The following C12orf43 variants were observed in gnomAD, a reference collection of about 807,000 sequenced individuals.
C12orf43 encodes protein CUSTOS.
In C12orf43, 15 loss-of-function variants were observed where a neutral mutation model predicts 20.6. That is an observed-to-expected ratio of 0.73 (90% CI 0.49 to 1.12). The LOEUF (loss-of-function observed/expected upper bound fraction) is 1.12. C12orf43 is among the 50% of genes most tolerant of loss of function. The probability of loss-of-function intolerance (pLI) is 0.00; values close to 1 mark genes in which losing one functional copy is unlikely to be tolerated. For synonymous variants in C12orf43, 144 were observed against 130.8 expected (o/e 1.10, Z -0.69); for missense variants, 334 against 344.4 (o/e 0.97, Z 0.24).
chr12:121,016,358 G>T lies in C12orf43; in HGVS notation c.117C>A (p.Arg39=). Reference sequence around the variant, plus strand: ...CTCTTGGCTTCCCTGCCACGTGCGGGCGTTGCTCCAAGCCCCAAGCCGGCA... The same window carrying T: ...CTCTTGGCTTCCCTGCCACGTGCGGTCGTTGCTCCAAGCCCCAAGCCGGCA... ...AAMPAWGLEQ[R]PHVAGKPRAG... The change falls in exon 1 of 6, where the codon CGC becomes CGA. Residue 39 remains arginine, a synonymous_variant. Coordinates refer to ENST00000288757, the MANE Select transcript of C12orf43 (RefSeq NM_022895.3). 1 of 1,613,788 alleles carries T rather than the reference G, an allele frequency of 6.2e-7. No individual in the cohort carries two copies. Among genetic ancestry groups the T allele is most frequent in the South Asian group, 1.1e-5 (1 of 91,082 alleles).
chr12:121,001,668 C>T lies in C12orf43; in HGVS notation c.*2485G>A, dbSNP rs980203027. On this transcript the variant is annotated 3_prime_UTR_variant, in exon 6 of 6. Transcript: ENST00000288757. ...CTTGTTCTGTCACCAATGTACCCAC[C>T]GGGCCACTCCTTCCTGCCCCAACTC... The T allele has an allele frequency of 1.5e-5, 7 of 462,426 alleles. No individual in the cohort carries two copies. The highest frequency in any genetic ancestry group is 3.8e-5 in the South Asian group (2 of 52,732). The allele number at this position is 462,426 out of a possible 1,614,324, so 28.6% of individuals were successfully genotyped here.
Position 121,004,345 on chromosome 12 carries a change from C to T in C12orf43, c.597G>A (p.Lys199=), listed in dbSNP as rs1251745683. ...CGACAGCCGAGTCGACACTGGCCACCTTCTTGGCTTTCTTTTTCAACTTCC... is the reference window on the plus strand; with the variant it reads ...CGACAGCCGAGTCGACACTGGCCACTTTCTTGGCTTTCTTTTTCAACTTCC... ...KKRKLKKKAK[K]VASVDSAVAA... is the part of the protein sequence containing the mutation. Residue 199 remains lysine, a synonymous_variant, in exon 6 of 6, where the codon AAG becomes AAA. Transcript: ENST00000288757. The surrounding 1 kb of genome is among the most constrained non-coding windows in gnomAD (Gnocchi z 5.6). 3.1e-6 allele frequency: 5 copies of T among 1,614,226 alleles called. No individual in the cohort carries two copies. Among genetic ancestry groups the T allele is most frequent in the African/African-American group, 2.7e-5 (2 of 75,068 alleles).
chr12:121,006,393 A>G lies in C12orf43; in HGVS notation c.289T>C (p.Phe97Leu). 1 of 1,613,866 alleles carries G rather than the reference A, an allele frequency of 6.2e-7. No homozygotes were observed. Among genetic ancestry groups the G allele is most frequent in the Non-Finnish European group, 8.5e-7 (1 of 1,179,764 alleles). Residue 97 changes from phenylalanine (F) to leucine (L), a missense_variant and splice_region_variant, in exon 4 of 6, where the codon TTC becomes CTC. Coordinates refer to ENST00000288757, the MANE Select transcript of C12orf43 (RefSeq NM_022895.3). Reference protein sequence around the residue: ...AKKLGALLDSFITISEAAKEP... With the variant: ...AKKLGALLDSLITISEAAKEP... The stretch of plus-strand genomic sequence containing the variant: ...TTTGCTGCTTCTGAGATGGTAATGA[A>G]GCTACAGGGAGACGAGACGGTTGAT...
intron 3 of C12orf43, chr12:121,006,632 T>G: frequency 2.1e-6 from 1 of 483,800 alleles, no homozygotes; most frequent in Non-Finnish European, 3.7e-6. Flanking sequence ...GAAGAAGTTT[T>G]AAAGACATAG....
rs768104335 is a variant in C12orf43 at position 121,010,813 on chromosome 12, T to C, written c.287+15A>G. ...TTAACAAGGGCAAGAGAGGAGAAAC[T>C]CCACCTTTGTTTACCTGTCCAGCAG... is the stretch of plus-strand genomic sequence containing the variant. On this transcript the variant is annotated intron_variant, in intron 3 of 5. Coordinates refer to ENST00000288757, the MANE Select transcript of C12orf43 (RefSeq NM_022895.3). 6.3e-7 allele frequency: 1 copy of C among 1,584,718 alleles called. No individual in the cohort carries two copies. The highest frequency in any genetic ancestry group is 8.6e-7 in the Non-Finnish European group (1 of 1,163,312).
intron 3 of C12orf43, among the ~76,000 whole-genome samples, chr12:121,007,399 T>C (rs1878104944): frequency 6.6e-6 from 1 of 152,234 alleles, no homozygotes; most frequent in African/African-American, 2.4e-5. Context: ...TTATTAGCTA[T>C]GTCCCTTAAG....
chr12:121,012,467 G>A (rs543687135), intron 1 of C12orf43: 29 of 702,586 alleles, frequency 4.1e-5, no homozygotes, highest in South Asian at 2.1e-4. Flanking sequence ...GCTGTGCAGC[G>A]TGAGACTGTT....
At chr12:121,007,137 A>C (rs1052910875) in intron 3 of C12orf43, 1 of 152,170 alleles carries the variant, frequency 6.6e-6, no homozygotes, top group African/African-American at 2.4e-5. Context: ...ACTGGTTCAG[A>C]GGACAGCTTC....
Position 121,002,305 on chromosome 12 carries a change from G to A in C12orf43, c.*1848C>T, listed in dbSNP as rs1010132161. 20 of 445,488 alleles carry A rather than the reference G, an allele frequency of 4.5e-5. No individual in the cohort carries two copies. Among genetic ancestry groups the A allele is most frequent in the Non-Finnish European group, 8.1e-5 (19 of 235,020 alleles). 27.6% of individuals were successfully genotyped at this position (445,488 alleles called of 1,614,324 possible). ...TCTGAGGTCCTGAGCACTGCCAGGA[G>A]GGACAAAGGAGCCTGTGAACCCAGG... is the stretch of plus-strand genomic sequence containing the variant. On this transcript the variant is annotated 3_prime_UTR_variant, in exon 6 of 6. Coordinates refer to ENST00000288757, the MANE Select transcript of C12orf43 (RefSeq NM_022895.3).
rs192191295 is a variant in C12orf43, at chr12:121,010,931, G to A, written c.189-5C>T. 20 of 1,614,012 alleles carry A rather than the reference G, an allele frequency of 1.2e-5. No individual in the cohort carries two copies. The East Asian group carries it at 1.3e-4, about 11-fold the overall frequency. ...TCATGCTCATTCACCTTATGCCTAC[G>A]ACACACACAAAGAGACCTCACTTCC... On this transcript the variant is annotated splice_polypyrimidine_tract_variant and splice_region_variant and intron_variant, in intron 2 of 5. Transcript: ENST00000288757.
At position 121,004,386 on chromosome 12, in the gene C12orf43, CCTT is replaced by C. The variant is rs750128220; in HGVS notation, c.553_555del (p.Lys185del). 1.2e-6 allele frequency: 2 copies of C among 1,614,174 alleles called. No individual in the cohort carries two copies. Among genetic ancestry groups the C allele is most frequent in the Non-Finnish European group, 1.7e-6 (2 of 1,180,046 alleles). On this transcript the variant is annotated inframe_deletion, in exon 6 of 6. Transcript: ENST00000288757. The surrounding 1 kb of genome is among the most constrained non-coding windows in gnomAD (Gnocchi z 5.6). The stretch of plus-strand genomic sequence containing the variant: ...TTCAACTTCCTTTTCTTCTTTGCCT[CCTT>C]CTCCACTGTTCCAGGGCTGTGGATG...
In C12orf43 at chr12:121,005,034, G is replaced by C. The variant is rs1163903133; in HGVS notation, c.421C>G (p.Pro141Ala). The C allele has an allele frequency of 2.0e-6, 3 of 1,530,444 alleles. No homozygotes were observed. In the East Asian group the frequency reaches 7.2e-5, roughly 37 times the overall value. The allele number at this position is 1,530,444 out of a possible 1,614,324, so 94.8% of individuals were successfully genotyped here. A position where few individuals can be genotyped will look rare whatever the true frequency, so the allele number is the denominator to read the frequency against. Residue 141 changes from proline to alanine, a missense_variant, in exon 5 of 6, where the codon CCC becomes GCC. By Grantham distance (27) the Pro-to-Ala change is conservative (BLOSUM62 -1). Transcript: ENST00000288757. The surrounding 1 kb of genome is among the most constrained non-coding windows in gnomAD (Gnocchi z 5.6). Reference protein sequence around the residue: ...GGREKEESPQPRRKRQPSSSS... With the variant: ...GGREKEESPQARRKRQPSSSS... ...CTGGAGGGCTGTCGCTTTCGGCGGG[G>C]TTGGGGAGACTCTTCCTTCTCACGG...
At position 121,011,112 on chromosome 12, in the gene C12orf43, C is replaced by T. The variant is rs143450063; in HGVS notation, c.180G>A (p.Pro60=). The change falls in exon 2 of 6, where the codon CCG becomes CCA. Residue 60 remains proline (P), a synonymous_variant. Coordinates refer to ENST00000288757, the MANE Select transcript of C12orf43 (RefSeq NM_022895.3). ...CCCAAAGTGCATAGTACCTGAGGCT[C>T]GGTTGGGAGGTTGACAACTGGCTAT... ...AANSQLSTSQ[P]SLRHKVNEHE... 356 of 1,613,852 alleles carry T rather than the reference C, an allele frequency of 2.2e-4. No homozygotes were observed. Among genetic ancestry groups the T allele is most frequent in the Non-Finnish European group, 2.7e-4 (319 of 1,179,906 alleles).
In C12orf43 at chr12:121,001,328, TGCTCTGATGCATCAGAAAGGGAGG is replaced by T. The variant is rs1316951765; in HGVS notation, c.*2801_*2824del. On this transcript the variant is annotated 3_prime_UTR_variant, in exon 6 of 6. Transcript: ENST00000288757. ...GACAGCTGTGCCTCGCTCCCCACTC[TGCTCTGATGCATCAGAAAGGGAGG>T]GCTCTGAGGCGCCCCAACCCGTGGA... The T allele has an allele frequency of 9.3e-7, 1 of 1,076,556 alleles. No individual in the cohort carries two copies. Among genetic ancestry groups the T allele is most frequent in the Admixed American group, 2.1e-5 (1 of 47,454 alleles). The allele number at this position is 1,076,556 out of a possible 1,614,324, so 66.7% of individuals were successfully genotyped here.
chr12:121,001,015 G>A lies in C12orf43; in HGVS notation c.*3138C>T, dbSNP rs749368168. 7 of 1,609,222 alleles carry A rather than the reference G, an allele frequency of 4.3e-6. No individual in the cohort carries two copies. The Admixed American group carries it at 5.0e-5, about 11-fold the overall frequency. On this transcript the variant is annotated 3_prime_UTR_variant, in exon 6 of 6. Transcript: ENST00000288757. ...GTACCCCTAGGGACAGGCAGGTGGG[G>A]TGGGTGTGGGTGCCTGGTGGGTGGC...
chr12:121,016,273 G>A, intron 1 of C12orf43, 57 bp downstream of exon 1: 1 of 1,609,500 alleles, frequency 6.2e-7, no homozygotes, highest in Non-Finnish European at 8.5e-7. Context: ...CATCCTCTCA[G>A]GCTCCAGGGG....
intron 1 of C12orf43, among the ~76,000 whole-genome samples, chr12:121,013,779 G>A (rs533104876): frequency 1.3e-5 from 2 of 152,334 alleles, no homozygotes; most frequent in African/African-American, 4.8e-5. Flanking sequence ...TGGCAGAGTG[G>A]CACAGCAGCA....
Position 121,001,790 on chromosome 12 carries a change from C to T in C12orf43, c.*2363G>A, listed in dbSNP as rs1343905275. On this transcript the variant is annotated 3_prime_UTR_variant, in exon 6 of 6. Coordinates refer to ENST00000288757, the MANE Select transcript of C12orf43 (RefSeq NM_022895.3). ...CTACTCTGTGCCAGAGCCTGGGGCT[C>T]TAACGCCTGAGCCCAGGGAGGCCGA... is the stretch of plus-strand genomic sequence containing the variant. The T allele has an allele frequency of 1.9e-6, 1 of 536,294 alleles. No homozygotes were observed. Among genetic ancestry groups the T allele is most frequent in the Non-Finnish European group, 3.6e-6 (1 of 276,492 alleles). 33.2% of individuals were successfully genotyped at this position (536,294 alleles called of 1,614,324 possible).
At position 121,016,434 on chromosome 12, in the gene C12orf43, C is replaced by G. The variant is rs137945188; in HGVS notation, c.41G>C (p.Ser14Thr). The G allele has an allele frequency of 9.9e-6, 16 of 1,614,098 alleles. No individual in the cohort carries two copies. The African/African-American group carries it at 1.1e-4, about 11-fold the overall frequency. ...PSGTVSDSESSNSSSDAEELE... is the reference protein window; with the variant it reads ...PSGTVSDSESTNSSSDAEELE... ...CTCCTCCGCATCGCTACTGCTGTTACTACTTTCCGAATCGCTCACTGTGCC... is the reference window on the plus strand; with the variant it reads ...CTCCTCCGCATCGCTACTGCTGTTAGTACTTTCCGAATCGCTCACTGTGCC... The change falls in exon 1 of 6, where the codon AGT becomes ACT. Residue 14 changes from serine to threonine, a missense_variant. Ser to Thr is a moderately conservative substitution (Grantham distance 58). Coordinates refer to ENST00000288757, the MANE Select transcript of C12orf43 (RefSeq NM_022895.3).
Sources: gnomAD v4.1 joint callset for allele counts (sites outside exome capture counted in the v4.1 genomes callset) on GRCh38, gnomAD v4.1.1 for gene constraint, Gnocchi (gnomAD v3.1) non-coding constraint, MANE v1.5 for transcripts, NCBI Gene and HGNC (gene_info 2026-07-23, HGNC 2026-07-21) for gene names.